Variants in DLGAP1 observed in about 807,000 individuals in gnomAD.
DLGAP1 encodes the protein DLG associated protein 1.
DLGAP1 carries 11 observed loss-of-function variants against 90.8 expected under a neutral mutation model. That is an observed-to-expected ratio of 0.12 (90% CI 0.08 to 0.20). The LOEUF (loss-of-function observed/expected upper bound fraction) is 0.20. Ranked by LOEUF, DLGAP1 falls within the 10% of genes least tolerant of loss-of-function variation. The pLI, the probability that DLGAP1 is intolerant of heterozygous loss-of-function variation, is 1.00. For missense variants in DLGAP1, 1,050 were observed against 1,333.8 expected (o/e 0.79, Z 3.31); for synonymous variants, 558 against 540.7 (o/e 1.03, Z -0.44).
intron 9 of DLGAP1, among the ~76,000 whole-genome samples, chr18:3,558,052 A>G (rs1241264542): frequency 6.6e-6 from 1 of 152,170 alleles, no homozygotes; most frequent in Non-Finnish European, 1.5e-5. Context: ...GAAGTAGTTT[A>G]TAGAAGTTAA....
At chr18:3,791,538 A>ATG (rs139271380) in intron 5 of DLGAP1, among the ~76,000 whole-genome samples, 5 of 151,646 alleles carry the variant, frequency 3.3e-5, no homozygotes, top group Non-Finnish European at 1.5e-5. Flanking sequence ...GTGTGCACGC[A>ATG]TGTGTGTGTG....
At chr18:4,400,211 C>A (rs947782066) in intron 1 of DLGAP1, among the ~76,000 whole-genome samples, 19 of 152,160 alleles carry the variant, frequency 1.2e-4, no homozygotes, top group African/African-American at 4.3e-4. Flanking sequence ...CCAAGCATGG[C>A]GTTGGTGTTC....
At chr18:3,651,028 T>C (rs1171586625) in intron 7 of DLGAP1, among the ~76,000 whole-genome samples, 1 of 151,140 alleles carries the variant, frequency 6.6e-6, no homozygotes, top group Non-Finnish European at 1.5e-5. Context: ...ATCACACCAC[T>C]GCACTCCAGC....
intron 3 of DLGAP1, among the ~76,000 whole-genome samples, chr18:3,940,350 C>T (rs2072741174): frequency 6.6e-6 from 1 of 152,218 alleles, no homozygotes; most frequent in Admixed American, 6.5e-5. Flanking sequence ...CCCGAAATTC[C>T]TGAGTCACAG....
At chr18:4,423,265 T>C (rs1230604939) in intron 1 of DLGAP1, among the ~76,000 whole-genome samples, 1 of 152,214 alleles carries the variant, frequency 6.6e-6, no homozygotes, top group Non-Finnish European at 1.5e-5. Context: ...GAGAATTTTA[T>C]GTAGCTCTTC....
At chr18:4,135,790 C>CTTTTTTTTT (rs58513784) in intron 2 of DLGAP1, among the ~76,000 whole-genome samples, 1 of 127,340 alleles carries the variant, frequency 7.9e-6, no homozygotes, top group African/African-American at 3.0e-5. Flanking sequence ...GAATCTGATT[C>CTTTTTTTTT]TTTTTTTTTT....
At chr18:3,671,184 CT>C (rs11311056) in intron 7 of DLGAP1, among the ~76,000 whole-genome samples, 50,898 of 143,270 alleles carry the variant, frequency 0.36, 9,211 homozygotes, top group East Asian at 0.62. Flanking sequence ...CTCTTTGCTG[CT>C]TTTTTTTTTT....
At chr18:3,643,365 TA>T (rs1297689479) in intron 7 of DLGAP1, among the ~76,000 whole-genome samples, 1 of 152,150 alleles carries the variant, frequency 6.6e-6, no homozygotes, top group Admixed American at 6.6e-5. Flanking sequence ...AACAGTCATC[TA>T]AAAAATGCTG....
chr18:3,639,903 C>A (rs1211263893), intron 7 of DLGAP1, among the ~76,000 whole-genome samples: 1 of 145,176 alleles, frequency 6.9e-6, no homozygotes, highest in Non-Finnish European at 1.5e-5. Flanking sequence ...TACAGGCGCC[C>A]GCCACCACAC....
At chr18:4,195,593 C>A (rs970260133) in intron 1 of DLGAP1, among the ~76,000 whole-genome samples, 16 of 152,008 alleles carry the variant, frequency 1.1e-4, no homozygotes, top group African/African-American at 3.6e-4. Flanking sequence ...CTCTTGTTGC[C>A]CAGGCTGGAG....
chr18:4,130,994 A>T (rs971579832), intron 2 of DLGAP1, among the ~76,000 whole-genome samples: 2 of 152,172 alleles, frequency 1.3e-5, no homozygotes, highest in African/African-American at 4.8e-5. Context: ...TAATTGTATT[A>T]AAAAAACCAG....
intron 6 of DLGAP1, among the ~76,000 whole-genome samples, chr18:3,731,254 A>G (rs1568030762): frequency 6.6e-6 from 1 of 152,150 alleles, no homozygotes; most frequent in Non-Finnish European, 1.5e-5. Context: ...AAACTTTACA[A>G]AGAGATAGCA....
intron 1 of DLGAP1, among the ~76,000 whole-genome samples, chr18:4,416,851 T>C (rs1598387972): frequency 6.6e-6 from 1 of 152,220 alleles, no homozygotes; most frequent in East Asian, 1.9e-4. Context: ...GTTCAGACAC[T>C]GACTAGGTTC....
chr18:3,735,231 T>A (rs2062589532), intron 6 of DLGAP1, among the ~76,000 whole-genome samples: 1 of 152,184 alleles, frequency 6.6e-6, no homozygotes, highest in South Asian at 2.1e-4. Context: ...ATGCGTATTT[T>A]TTTTGGAGAC....
intron 5 of DLGAP1, among the ~76,000 whole-genome samples, chr18:3,785,324 T>C (rs2065397272): frequency 1.3e-5 from 2 of 152,174 alleles, no homozygotes; most frequent in Admixed American, 6.5e-5. Flanking sequence ...GCCTGTTCCT[T>C]TGCTTTGTAG....
chr18:4,146,475 T>G (rs912125587), intron 2 of DLGAP1, among the ~76,000 whole-genome samples: 2 of 152,214 alleles, frequency 1.3e-5, no homozygotes, highest in African/African-American at 4.8e-5. Flanking sequence ...GGATTTCATA[T>G]GATCTGTACC....
chr18:3,869,322 G>A (rs1417504384), intron 4 of DLGAP1, among the ~76,000 whole-genome samples: 4 of 152,186 alleles, frequency 2.6e-5, no homozygotes, highest in Admixed American at 2.0e-4. Flanking sequence ...AGCACTTCGG[G>A]AGGCCGAGGT....
intron 1 of DLGAP1, among the ~76,000 whole-genome samples, chr18:4,263,183 C>T (rs995881723): frequency 3.3e-5 from 5 of 152,276 alleles, no homozygotes; most frequent in African/African-American, 7.2e-5. Context: ...CTGCCCATCT[C>T]GGCCTCTCAA....
intron 7 of DLGAP1, among the ~76,000 whole-genome samples, chr18:3,688,289 A>C (rs2060771430): frequency 6.6e-6 from 1 of 152,104 alleles, no homozygotes. Flanking sequence ...ATCAAATGTG[A>C]ATTTCTTGAT....
Sources: allele counts gnomAD v4.1 joint callset (sites outside exome capture counted in the v4.1 genomes callset), GRCh38; gene constraint gnomAD v4.1.1; transcripts MANE v1.5; gene names NCBI Gene and HGNC (gene_info 2026-07-23, HGNC 2026-07-21).